MYH11: variants seen among roughly 807,000 people sequenced by gnomAD.
The protein encoded by MYH11 is myosin heavy chain 11.
A neutral mutation model predicts 246.6 loss-of-function variants in MYH11; 80 were observed. The observed-to-expected ratio is 0.32, with a 90% CI of 0.27 to 0.39. The LOEUF (loss-of-function observed/expected upper bound fraction) is 0.39. Among genes scored for constraint, MYH11 ranks in the 10% least tolerant of loss-of-function variants. MYH11 has a pLI of 1.00. For missense variants in MYH11, 2,158 were observed against 2,546.8 expected (o/e 0.85, Z 3.29); for synonymous variants, 1,071 against 1,015.5 (o/e 1.05, Z -1.04).
chr16:15,766,388 TGA>T (rs1491352898), intron 9 of MYH11, among the ~76,000 whole-genome samples: 5,056 of 99,766 alleles, frequency 0.051, 132 homozygotes, highest in East Asian at 0.089. Flanking sequence ...TGTGTGTGTG[TGA>T]GACTGAGTCT....
intron 12 of MYH11, 44 bp downstream of exon 12, chr16:15,759,532 C>G (rs1162286101): frequency 6.2e-7 from 1 of 1,614,000 alleles, no homozygotes. Context: ...AAGCCCATCT[C>G]AGACAACCAA....
intron 37 of MYH11, 135 bp from the exon 38 acceptor site, chr16:15,717,483 C>A: frequency 1.2e-6 from 1 of 855,110 alleles, no homozygotes; most frequent in Non-Finnish European, 1.8e-6. Flanking sequence ...CTCCTTCATC[C>A]TGTAAAACTC....
Position 15,724,145 on chromosome 16 carries a change from ACC to A in MYH11, c.4365+14_4365+15del. 1.2e-6 allele frequency: 2 copies of A among 1,612,374 alleles called. No individual in the cohort carries two copies. The highest frequency in any genetic ancestry group is 1.7e-6 in the Non-Finnish European group (2 of 1,180,008). The stretch of plus-strand genomic sequence containing the variant: ...AGCGTCCATGGCCAGAGTGGGGGAC[ACC>A]CCACGCCCTCTACCTGATCAAATTT... On this transcript the variant is annotated intron_variant, in intron 31 of 40. Coordinates refer to ENST00000300036, the MANE Select transcript of MYH11 (RefSeq NM_002474.3).
In MYH11 at chr16:15,821,301, G is replaced by A. The variant is rs375500370; in HGVS notation, c.502+1954C>T. On this transcript the variant is annotated intron_variant, in intron 3 of 40. Transcript: ENST00000300036. ...CTTTTTCTGGAACGAATTATCTTCA[G>A]ATAGTAAAAATTTCCTTCATTTCAT... Among the ~76,000 whole-genome samples the A allele has an allele frequency of 4.9e-4, 75 of 152,286 alleles. 1 individual carries two copies. The highest frequency in any genetic ancestry group is 1.7e-3 in the African/African-American group (69 of 41,560).
intron 8 of MYH11, 198 bp downstream of exon 8, chr16:15,775,880 G>A: frequency 1.6e-6 from 1 of 634,934 alleles, no homozygotes; most frequent in Non-Finnish European, 2.9e-6. Context: ...CATAGTAGGT[G>A]CTCAGTAAAT....
intron 1 of MYH11, 38 bp from the exon 2 acceptor site, chr16:15,838,307 A>G: frequency 1.3e-6 from 2 of 1,564,628 alleles, no homozygotes; most frequent in African/African-American, 1.4e-5. Flanking sequence ...TCAGACCACA[A>G]CCAAGCCCGG....
chr16:15,793,901 G>A (rs1042410880), intron 4 of MYH11, among the ~76,000 whole-genome samples: 1 of 143,504 alleles, frequency 7.0e-6, no homozygotes, highest in Admixed American at 7.1e-5. Flanking sequence ...GGGATTACAG[G>A]CGTGAGCCAC....
chr16:15,847,989 A>G (rs1304905102), intron 1 of MYH11, among the ~76,000 whole-genome samples: 1 of 152,118 alleles, frequency 6.6e-6, no homozygotes, highest in Non-Finnish European at 1.5e-5. Context: ...AAGGTGCTAC[A>G]TATTCCCCTT....
intron 3 of MYH11, among the ~76,000 whole-genome samples, chr16:15,813,191 TG>T (rs1213889546): frequency 6.7e-6 from 1 of 148,872 alleles, no homozygotes; most frequent in African/African-American, 2.5e-5. Context: ...AAAAAACAGT[TG>T]TTTTTTTTTA....
Position 15,757,809 on chromosome 16 carries a change from C to G in MYH11, c.1575+18G>C. ...GTACAAGGTGTGACGGAGCCCCGCACGCCCACGTGCCCCTCACCGGTCGCT... is the reference window on the plus strand; with the variant it reads ...GTACAAGGTGTGACGGAGCCCCGCAGGCCCACGTGCCCCTCACCGGTCGCT... On this transcript the variant is annotated intron_variant, in intron 13 of 40. Coordinates refer to ENST00000300036, the MANE Select transcript of MYH11 (RefSeq NM_002474.3). The G allele has an allele frequency of 1.2e-6, 2 of 1,614,148 alleles. No individual in the cohort carries two copies. Among genetic ancestry groups the G allele is most frequent in the East Asian group, 2.2e-5 (1 of 44,868 alleles).
At chr16:15,848,420 G>A (rs1221643975) in intron 1 of MYH11, among the ~76,000 whole-genome samples, 1 of 151,978 alleles carries the variant, frequency 6.6e-6, no homozygotes, top group Non-Finnish European at 1.5e-5. Context: ...TTTTAGTAGA[G>A]ATGAGGTTTC....
intron 22 of MYH11, among the ~76,000 whole-genome samples, chr16:15,740,711 TA>T (rs1458270592): frequency 3.3e-5 from 5 of 152,158 alleles, no homozygotes; most frequent in Non-Finnish European, 7.4e-5. Flanking sequence ...ATGGTGGTTT[TA>T]AAATCTATCC....
chr16:15,823,293 T>C lies in MYH11; in HGVS notation c.464A>G (p.Tyr155Cys). ...CCGGTAGGCCGTGTCTGCGATGGCG[T>C]AGATGTGAGGCGGCATCTCGTGCCT... The part of the protein sequence containing the change: ...KKRHEMPPHI[Y>C]AIADTAYRSM... Residue 155 changes from tyrosine to cysteine, a missense_variant, in exon 3 of 41, where the codon TAC becomes TGC. Transcript: ENST00000300036. 6.2e-7 allele frequency: 1 copy of C among 1,614,166 alleles called. No individual in the cohort carries two copies. Among genetic ancestry groups the C allele is most frequent in the Non-Finnish European group, 8.5e-7 (1 of 1,180,042 alleles).
intron 9 of MYH11, among the ~76,000 whole-genome samples, chr16:15,767,203 T>A (rs556254737): frequency 6.6e-6 from 1 of 152,018 alleles, no homozygotes; most frequent in South Asian, 2.1e-4. Context: ...GATAGATGGA[T>A]GATAGAGGAT....
At chr16:15,729,292 T>G (rs943785483) in intron 27 of MYH11, among the ~76,000 whole-genome samples, 1 of 151,988 alleles carries the variant, frequency 6.6e-6, no homozygotes, top group African/African-American at 2.4e-5. Flanking sequence ...TGGAACCAGG[T>G]CTCTACATCA....
chr16:15,752,147 G>C (rs753102655), intron 15 of MYH11, among the ~76,000 whole-genome samples: 3 of 151,898 alleles, frequency 2.0e-5, no homozygotes, highest in Non-Finnish European at 2.9e-5. Context: ...CAAGACTGTG[G>C]GTCCCGCAGA....
intron 25 of MYH11, 80 bp from the exon 26 acceptor site, chr16:15,735,658 G>A (rs932490490): frequency 7.3e-6 from 10 of 1,378,818 alleles, no homozygotes; most frequent in African/African-American, 4.3e-5. Context: ...AACTTTTCTG[G>A]GACCAGACAG....
intron 5 of MYH11, chr16:15,784,810 C>G (rs1010784140): frequency 1.4e-6 from 2 of 1,454,498 alleles, no homozygotes; most frequent in Non-Finnish European, 1.9e-6. Flanking sequence ...TTTGATCCCC[C>G]CAAACAGCCT....
At position 15,725,162 on chromosome 16, in the gene MYH11, C is replaced by T. The variant is rs370768530; in HGVS notation, c.3859-170G>A. On this transcript the variant is annotated intron_variant, in intron 28 of 40. Coordinates refer to ENST00000300036, the MANE Select transcript of MYH11 (RefSeq NM_002474.3). ...AAAAAAAAAAAAACACACACACACA[C>T]AAAAAAAACAGAATCTGTGGCTTGA... 9.4e-6 allele frequency: 6 copies of T among 636,384 alleles called. No homozygotes were observed. The South Asian group carries it at 1.1e-4, about 12-fold the overall frequency. The allele number at this position is 636,384 out of a possible 1,614,324, so 39.4% of individuals were successfully genotyped here. A position where few individuals can be genotyped will look rare whatever the true frequency, so the allele number is the denominator to read the frequency against.
Sources: gnomAD v4.1 joint callset for allele counts (sites outside exome capture counted in the v4.1 genomes callset) on GRCh38, gnomAD v4.1.1 for gene constraint, MANE v1.5 for transcripts, NCBI Gene and HGNC (gene_info 2026-07-23, HGNC 2026-07-21) for gene names.